Variants in TMTC2 observed in about 807,000 individuals in gnomAD.
TMTC2 encodes protein O-mannosyl-transferase TMTC2.
In TMTC2, 43 loss-of-function variants were observed where a neutral mutation model predicts 82.4. That is an observed-to-expected ratio of 0.52 (90% confidence interval 0.41 to 0.67). TMTC2 has a LOEUF of 0.67. Ranked by LOEUF, TMTC2 falls within the 30% of genes least tolerant of loss-of-function variation. The pLI, the probability that TMTC2 is intolerant of heterozygous loss-of-function variation, is 0.00. For missense variants in TMTC2, 919 were observed against 1,012.4 expected, an observed-to-expected ratio of 0.91 and a Z score of 1.25; for synonymous variants, 408 against 381.9, an observed-to-expected ratio of 1.07 and a Z score of -0.80.
At chr12:82,938,692 G>A (rs541477845) in intron 4 of TMTC2, among the ~76,000 whole-genome samples, 1 of 152,292 alleles carries the variant, frequency 6.6e-6, no homozygotes, top group South Asian at 2.1e-4. Flanking sequence ...GCAGGTACCT[G>A]TGTTTTCATG....
chr12:82,912,867 A>G (rs1302219080), intron 3 of TMTC2, among the ~76,000 whole-genome samples: 1 of 146,434 alleles, frequency 6.8e-6, no homozygotes, highest in East Asian at 2.1e-4. Context: ...GATCCTGGGG[A>G]GGTCGAAGCT....
chr12:82,886,310 G>C (rs1434053861), intron 2 of TMTC2, among the ~76,000 whole-genome samples: 1 of 151,966 alleles, frequency 6.6e-6, no homozygotes, highest in Non-Finnish European at 1.5e-5. Flanking sequence ...ACACTTTATT[G>C]GAAAATGGTA....
chr12:83,036,003 T>C (rs1309614588), intron 9 of TMTC2, among the ~76,000 whole-genome samples: 1 of 152,182 alleles, frequency 6.6e-6, no homozygotes, highest in African/African-American at 2.4e-5. Context: ...GAGATTGTAA[T>C]GCTACTGAAG....
At position 82,791,008 on chromosome 12, in the gene TMTC2, T is replaced by C. The variant is rs763308652; in HGVS notation, c.84-66002T>C. Among the ~76,000 whole-genome samples, 158 of 151,996 alleles carry C rather than the reference T, an allele frequency of 1.0e-3. 1 individual carries two copies. Among genetic ancestry groups the C allele is most frequent in the Non-Finnish European group, 1.6e-3 (107 of 67,982 alleles). ...AGTGAGCTCATCCATATGACCTGGA[T>C]GGGGGTGAGCATCATCTCTGGGCTT... is the stretch of plus-strand genomic sequence containing the variant. On this transcript the variant is annotated intron_variant, in intron 1 of 11. Coordinates refer to ENST00000321196, the MANE Select transcript of TMTC2 (RefSeq NM_152588.3).
At chr12:82,848,296 C>A (rs968810412) in intron 1 of TMTC2, among the ~76,000 whole-genome samples, 1 of 152,072 alleles carries the variant, frequency 6.6e-6, no homozygotes, top group African/African-American at 2.4e-5. Flanking sequence ...TGACTGTTGG[C>A]CTGGAAGTAT....
intron 2 of TMTC2, among the ~76,000 whole-genome samples, chr12:82,872,060 C>A (rs1312115590): frequency 9.6e-6 from 1 of 104,002 alleles, no homozygotes; most frequent in Non-Finnish European, 1.6e-5. Flanking sequence ...GACTGAGTTT[C>A]AAAGTAAAAA....
chr12:83,075,829 G>A (rs1031725524), intron 11 of TMTC2, among the ~76,000 whole-genome samples: 8 of 152,204 alleles, frequency 5.3e-5, no homozygotes, highest in African/African-American at 1.4e-4. Flanking sequence ...TCATGCTGCA[G>A]TATGCTGCAG....
rs184848315 is a variant in TMTC2 at position 83,002,182 on chromosome 12, A to G, written c.2070+16136A>G. Among the ~76,000 whole-genome samples, 121 of 152,236 alleles carry G rather than the reference A, an allele frequency of 7.9e-4. 1 individual carries two copies. Among genetic ancestry groups the G allele is most frequent in the African/African-American group, 2.2e-3 (92 of 41,546 alleles). ...CATTATTGATCTCTTCAGAGTTTCA[A>G]TTTCTTCATGGTTAAATCTTGAAAA... On this transcript the variant is annotated intron_variant, in intron 8 of 11. Transcript: ENST00000321196.
At chr12:83,040,239 T>C (rs946118328) in intron 9 of TMTC2, among the ~76,000 whole-genome samples, 6 of 152,214 alleles carry the variant, frequency 3.9e-5, no homozygotes, top group Admixed American at 3.3e-4. Context: ...CAGCTCACAA[T>C]ATCCTTGTTC....
At chr12:82,697,556 T>C (rs1478894584) in intron 1 of TMTC2, among the ~76,000 whole-genome samples, 1 of 152,172 alleles carries the variant, frequency 6.6e-6, no homozygotes, top group African/African-American at 2.4e-5. Context: ...TTATTTAATC[T>C]GTGTTTTATT....
At chr12:82,858,311 A>G (rs1034637139) in intron 2 of TMTC2, among the ~76,000 whole-genome samples, 12 of 152,206 alleles carry the variant, frequency 7.9e-5, no homozygotes, top group African/African-American at 2.9e-4. Context: ...AAGGAGAGGC[A>G]TTGAGCGGAC....
chr12:82,961,701 A>G (rs867112200), intron 4 of TMTC2, among the ~76,000 whole-genome samples: 2 of 151,928 alleles, frequency 1.3e-5, no homozygotes, highest in Admixed American at 6.6e-5. Context: ...CTCCAGTCCT[A>G]TTTGGACTCC....
intron 1 of TMTC2, among the ~76,000 whole-genome samples, chr12:82,714,011 T>A (rs1873775048): frequency 6.6e-6 from 1 of 152,198 alleles, no homozygotes; most frequent in Non-Finnish European, 1.5e-5. Flanking sequence ...AATAATCACG[T>A]GAGGTGTAGA....
chr12:82,983,749 G>A (rs1265479043), intron 7 of TMTC2, among the ~76,000 whole-genome samples: 1 of 151,954 alleles, frequency 6.6e-6, no homozygotes, highest in Non-Finnish European at 1.5e-5. Flanking sequence ...TTTTGTATGG[G>A]ACCTGTAATT....
intron 7 of TMTC2, among the ~76,000 whole-genome samples, chr12:82,976,014 T>C (rs1375558156): frequency 1.3e-5 from 2 of 152,170 alleles, no homozygotes; most frequent in Admixed American, 1.3e-4. Flanking sequence ...GACAGTATTA[T>C]ATTTTTGGGG....
At chr12:82,731,049 A>G (rs2136940365) in intron 1 of TMTC2, among the ~76,000 whole-genome samples, 1 of 152,348 alleles carries the variant, frequency 6.6e-6, no homozygotes, top group South Asian at 2.1e-4. Flanking sequence ...TAATGTGCAC[A>G]TGTGTTTGTA....
At chr12:82,845,637 T>A (rs1480510589) in intron 1 of TMTC2, among the ~76,000 whole-genome samples, 1 of 152,074 alleles carries the variant, frequency 6.6e-6, no homozygotes, top group East Asian at 1.9e-4. Flanking sequence ...TATGTTAGGA[T>A]GTTCTGATAT....
intron 8 of TMTC2, among the ~76,000 whole-genome samples, chr12:83,002,987 A>C (rs1438996012): frequency 2.0e-5 from 3 of 152,056 alleles, no homozygotes; most frequent in Non-Finnish European, 4.4e-5. Flanking sequence ...TTTCTGCCTT[A>C]ATGATCTGTC....
intron 4 of TMTC2, among the ~76,000 whole-genome samples, chr12:82,936,667 AT>A (rs1174839987): frequency 1.3e-5 from 2 of 152,192 alleles, no homozygotes; most frequent in Non-Finnish European, 2.9e-5. Context: ...CCAAGAAGGC[AT>A]TTGACCAGCA....
Sources: allele counts gnomAD v4.1 joint callset (sites outside exome capture counted in the v4.1 genomes callset), GRCh38; gene constraint gnomAD v4.1.1; transcripts MANE v1.5; gene names NCBI Gene and HGNC (gene_info 2026-07-23, HGNC 2026-07-21).